The following TMEM272 variants were observed in gnomAD, a reference collection of about 807,000 sequenced individuals.
TMEM272 encodes the protein transmembrane protein 272.
In TMEM272, 8 loss-of-function variants were observed where a neutral mutation model predicts 3.7. The ratio of observed to expected loss-of-function variants is 2.17; its 90% CI spans 1.27 to 3.91. The LOEUF (loss-of-function observed/expected upper bound fraction) is 3.91, where lower values mean the gene tolerates loss of function less well. Among genes scored for constraint, TMEM272 ranks in the 30% most tolerant of loss-of-function variants. TMEM272 has a pLI of 0.00. For synonymous variants in TMEM272, 63 were observed against 39.8 expected, an observed-to-expected ratio of 1.58 and a Z score of -2.20; for missense variants, 166 against 91.5, an observed-to-expected ratio of 1.81 and a Z score of -3.32.
the TMEM272 span, among the ~76,000 whole-genome samples, chr13:51,901,721 G>A: frequency 6.6e-6 from 1 of 152,002 alleles, no homozygotes; most frequent in Non-Finnish European, 1.5e-5. Context: ...GAATCTACCT[G>A]CTCTCCTAAG....
At chr13:51,849,440 C>T (rs908683864), upstream of TMEM272, among the ~76,000 whole-genome samples, 63 of 152,192 alleles carry the variant, frequency 4.1e-4, no homozygotes, top group Non-Finnish European at 1.8e-4. Context: ...CTTAACACTA[C>T]TGAGCTGTAC....
At chr13:51,858,593 G>T in the TMEM272 span, among the ~76,000 whole-genome samples, 3 of 152,288 alleles carry the variant, frequency 2.0e-5, no homozygotes, top group South Asian at 4.1e-4. Flanking sequence ...TGAGACGCAG[G>T]TAAGTGTACT....
chr13:51,815,103 C>G lies in TMEM272; in HGVS notation c.*1648G>C. 6.5e-6 allele frequency: 1 copy of G among 152,796 alleles called. No homozygotes were observed. The highest frequency in any genetic ancestry group is 1.5e-5 in the Non-Finnish European group (1 of 68,132). 9.5% of individuals were successfully genotyped at this position (152,796 alleles called of 1,614,324 possible). Reference sequence around the variant, plus strand: ...TCCTGTCCACCCCAGTATCATAGCCCACAGACTCTCCCCAGTCCCCAACAC... The same window carrying G: ...TCCTGTCCACCCCAGTATCATAGCCGACAGACTCTCCCCAGTCCCCAACAC... On this transcript the variant is annotated 3_prime_UTR_variant, in exon 5 of 5. Transcript: ENST00000629372.
intron 2 of TMEM272, among the ~76,000 whole-genome samples, chr13:51,829,171 A>C (rs1956151572): frequency 6.6e-6 from 1 of 152,202 alleles, no homozygotes; most frequent in African/African-American, 2.4e-5. Flanking sequence ...CATTTCAGTG[A>C]CTCAACATAT....
the TMEM272 span, among the ~76,000 whole-genome samples, chr13:51,877,716 C>T: frequency 6.6e-6 from 1 of 152,176 alleles, no homozygotes; most frequent in Admixed American, 6.5e-5. Context: ...ATATTAACTC[C>T]TGTCTTATTT....
the TMEM272 span, among the ~76,000 whole-genome samples, chr13:51,888,378 T>C: frequency 6.6e-6 from 1 of 152,070 alleles, no homozygotes; most frequent in East Asian, 1.9e-4. Context: ...ATTTATTTCC[T>C]CTTTCAGGGA....
chr13:51,858,103 A>T, the TMEM272 span, among the ~76,000 whole-genome samples: 7 of 152,232 alleles, frequency 4.6e-5, no homozygotes, highest in African/African-American at 1.7e-4. Context: ...GCCTCAAAGT[A>T]TATAAAACAA....
At chr13:51,841,941 G>A (rs555947174) in intron 1 of TMEM272, among the ~76,000 whole-genome samples, 18 of 152,338 alleles carry the variant, frequency 1.2e-4, no homozygotes, top group East Asian at 9.6e-4. Context: ...CATCCAGCCC[G>A]AAAGGGAAGA....
upstream of TMEM272, among the ~76,000 whole-genome samples, chr13:51,849,472 T>C (rs1190602105): frequency 2.6e-5 from 4 of 152,374 alleles, no homozygotes; most frequent in East Asian, 7.7e-4. Flanking sequence ...GTTAAGATGT[T>C]GAGTTTTATG....
the TMEM272 span, among the ~76,000 whole-genome samples, chr13:51,904,218 A>T: frequency 6.6e-6 from 1 of 152,056 alleles, no homozygotes; most frequent in African/African-American, 2.4e-5. Flanking sequence ...ATTAATGATG[A>T]TGATGATGAT....
the TMEM272 span, among the ~76,000 whole-genome samples, chr13:51,850,991 C>A: frequency 4.1e-4 from 63 of 152,236 alleles, no homozygotes; most frequent in African/African-American, 1.3e-3. Flanking sequence ...TGACATAATC[C>A]TTCCTCTGTA....
chr13:51,891,115 A>G, the TMEM272 span, among the ~76,000 whole-genome samples: 1 of 152,112 alleles, frequency 6.6e-6, no homozygotes, highest in Admixed American at 6.5e-5. Context: ...TGGGGCCCAC[A>G]CGGAATGTGC....
chr13:51,816,693 G>A lies in TMEM272; in HGVS notation c.*58C>T. The A allele has an allele frequency of 1.5e-6, 1 of 646,750 alleles. No homozygotes were observed. The highest frequency in any genetic ancestry group is 1.7e-5 in the South Asian group (1 of 57,986). 40.1% of individuals were successfully genotyped at this position (646,750 alleles called of 1,614,324 possible). ...TGTGTGTGTGCGTCTGTGTGTCTGTGTGCACGCGCGTGCATGCACACGCAT... is the reference window on the plus strand; with the variant it reads ...TGTGTGTGTGCGTCTGTGTGTCTGTATGCACGCGCGTGCATGCACACGCAT... On this transcript the variant is annotated 3_prime_UTR_variant, in exon 5 of 5. Transcript: ENST00000629372.
chr13:51,931,718 T>G, the TMEM272 span, among the ~76,000 whole-genome samples: 4 of 152,088 alleles, frequency 2.6e-5, no homozygotes, highest in South Asian at 6.2e-4. Context: ...CTTTTCACAA[T>G]GGGACATGCA....
At chr13:51,922,532 G>A in the TMEM272 span, among the ~76,000 whole-genome samples, 6 of 152,200 alleles carry the variant, frequency 3.9e-5, no homozygotes, top group African/African-American at 1.2e-4. Context: ...CCTGCCAGGC[G>A]ACAGCAGTGA....
chr13:51,885,765 T>C, the TMEM272 span, among the ~76,000 whole-genome samples: 1 of 152,334 alleles, frequency 6.6e-6, no homozygotes, highest in Non-Finnish European at 1.5e-5. Flanking sequence ...CTTCCCTTTG[T>C]ATATAGACAG....
the TMEM272 span, among the ~76,000 whole-genome samples, chr13:51,890,824 C>A: frequency 6.2e-3 from 944 of 152,282 alleles, 13 homozygotes; most frequent in African/African-American, 0.021. Flanking sequence ...CCTTTTCTGT[C>A]TATAAAACTA....
At chr13:51,822,850 G>T (rs767933659) in intron 3 of TMEM272, among the ~76,000 whole-genome samples, 2 of 152,152 alleles carry the variant, frequency 1.3e-5, no homozygotes, top group African/African-American at 2.4e-5. Flanking sequence ...TCAGGTCTTT[G>T]TTCCCTAGAC....
At chr13:51,920,601 C>T in the TMEM272 span, among the ~76,000 whole-genome samples, 2 of 152,170 alleles carry the variant, frequency 1.3e-5, no homozygotes, top group Non-Finnish European at 2.9e-5. Flanking sequence ...CTGACCCTCC[C>T]AGCCGGGTCC....
Sources: gnomAD v4.1 joint callset for allele counts (sites outside exome capture counted in the v4.1 genomes callset) on GRCh38, gnomAD v4.1.1 for gene constraint, MANE v1.5 for transcripts, NCBI Gene and HGNC (gene_info 2026-07-23, HGNC 2026-07-21) for gene names.